Variants in SUPT3H observed in about 807,000 individuals in gnomAD.
The protein encoded by SUPT3H is transcription initiation protein SPT3 homolog.
In SUPT3H, 44 loss-of-function variants were observed where a neutral mutation model predicts 44.3. The observed-to-expected ratio is 0.99, with a 90% confidence interval of 0.78 to 1.28. The LOEUF (loss-of-function observed/expected upper bound fraction) is 1.28. Ranked by LOEUF, SUPT3H falls within the 50% of genes most tolerant of loss-of-function variation. The pLI is 0.00. For missense variants in SUPT3H, 380 were observed against 387.1 expected, an observed-to-expected ratio of 0.98 and a Z score of 0.15; for synonymous variants, 124 against 125.6, an observed-to-expected ratio of 0.99 and a Z score of 0.09.
At chr6:44,992,927 G>A (rs1483136687) in intron 6 of SUPT3H, among the ~76,000 whole-genome samples, 1 of 152,116 alleles carries the variant, frequency 6.6e-6, no homozygotes, top group Non-Finnish European at 1.5e-5. Flanking sequence ...ATTTTGGGAG[G>A]CTAAGATGGG....
chr6:45,279,398 T>C (rs1777561392), intron 2 of SUPT3H, among the ~76,000 whole-genome samples: 1 of 152,222 alleles, frequency 6.6e-6, no homozygotes, highest in Non-Finnish European at 1.5e-5. Flanking sequence ...GTTGATATGC[T>C]ATCCCTAATG....
chr6:45,251,395 GCACACACACACACACACACA>G, intron 2 of SUPT3H, among the ~76,000 whole-genome samples: 2 of 144,970 alleles, frequency 1.4e-5, no homozygotes, highest in South Asian at 4.5e-4. Flanking sequence ...AAGAGAAGCT[GCACACACACACACACACACA>G]CACACACACA....
At chr6:45,188,030 A>AC (rs1814533974) in intron 2 of SUPT3H, among the ~76,000 whole-genome samples, 1 of 152,190 alleles carries the variant, frequency 6.6e-6, no homozygotes, top group Admixed American at 6.5e-5. Flanking sequence ...GACATGAATC[A>AC]CCCCTTTGTT....
At chr6:45,286,183 T>C (rs1352096364) in intron 2 of SUPT3H, among the ~76,000 whole-genome samples, 1 of 150,974 alleles carries the variant, frequency 6.6e-6, no homozygotes, top group Non-Finnish European at 1.5e-5. Flanking sequence ...GACATAGGCA[T>C]GGGCCAGGAC....
At chr6:45,164,782 T>C (rs1336072056) in intron 2 of SUPT3H, among the ~76,000 whole-genome samples, 1 of 152,164 alleles carries the variant, frequency 6.6e-6, no homozygotes, top group African/African-American at 2.4e-5. Context: ...TTTTTTCATA[T>C]TTTAAAAAGT....
intron 3 of SUPT3H, among the ~76,000 whole-genome samples, chr6:45,065,007 A>AT (rs1226076449): frequency 1.3e-4 from 20 of 150,970 alleles, no homozygotes; most frequent in Non-Finnish European, 2.8e-4. Flanking sequence ...CAGAATATAC[A>AT]TTTTTTTCAG....
chr6:45,021,551 AC>A (rs1785139423), intron 3 of SUPT3H, among the ~76,000 whole-genome samples: 1 of 151,998 alleles, frequency 6.6e-6, no homozygotes, highest in Non-Finnish European at 1.5e-5. Flanking sequence ...TACGGATTGC[AC>A]CAAACCAAGT....
At chr6:44,894,458 AGC>A (rs772753232) in intron 10 of SUPT3H, among the ~76,000 whole-genome samples, 3,092 of 152,300 alleles carry the variant, frequency 0.02, 41 homozygotes, top group Non-Finnish European at 0.032. Flanking sequence ...CAGTTTTCCC[AGC>A]ACCATTTATA....
At chr6:45,328,885 A>G in intron 2 of SUPT3H, 3 of 1,192,312 alleles carry the variant, frequency 2.5e-6, no homozygotes, top group Non-Finnish European at 3.7e-6. Flanking sequence ...AGCATATTAA[A>G]GATCCTAATT....
At chr6:45,110,547 GCTTT>G (rs1799898923) in intron 2 of SUPT3H, among the ~76,000 whole-genome samples, 1 of 146,414 alleles carries the variant, frequency 6.8e-6, no homozygotes, top group South Asian at 2.2e-4. Flanking sequence ...CCTTTTCAGT[GCTTT>G]CTAACATCAG....
intron 1 of SUPT3H, among the ~76,000 whole-genome samples, chr6:45,368,089 TAC>T (rs79523305): frequency 0.13 from 20,116 of 152,102 alleles, 1,531 homozygotes; most frequent in East Asian, 0.26. Context: ...CACTAATAAA[TAC>T]AGTTACTGTG....
Position 45,014,861 on chromosome 6 carries a change from A to T in SUPT3H, c.304T>A (p.Phe102Ile). ...ATCTTTGATTTGTAGTCTCGGATAA[A>T]CATGTATTTTAGCAGTCTTCTAAGT... ...KKLRRLLKYM[F>I]IRDYKSKIVK... Residue 102 changes from phenylalanine (F) to isoleucine (I), a missense_variant, in exon 5 of 11, where the codon TTT (phenylalanine) becomes ATT (isoleucine). Physicochemically the swap from Phe to Ile is conservative, Grantham distance 21. Transcript: ENST00000371459. The T allele has an allele frequency of 6.3e-7, 1 of 1,590,094 alleles. No individual in the cohort carries two copies. The highest frequency in any genetic ancestry group is 8.5e-7 in the Non-Finnish European group (1 of 1,169,990).
chr6:45,261,512 C>T (rs1193180305), intron 2 of SUPT3H, among the ~76,000 whole-genome samples: 1 of 151,888 alleles, frequency 6.6e-6, no homozygotes, highest in Non-Finnish European at 1.5e-5. Context: ...GTAGAAAAGG[C>T]TGTCAATAAA....
At chr6:44,870,188 A>G (rs1776140354) in intron 10 of SUPT3H, among the ~76,000 whole-genome samples, 1 of 152,232 alleles carries the variant, frequency 6.6e-6, no homozygotes, top group African/African-American at 2.4e-5. Context: ...GCTTCTACCA[A>G]TGGAACAGTG....
rs1469993590 is a variant in SUPT3H at position 44,931,286 on chromosome 6, TTTC to T, written c.912+1364_912+1366del. ...GATTATTATCAAACACTGCCTCTTT[TTTC>T]TTCTTTTTCCCTTCCACTGTCTCAA... is the stretch of plus-strand genomic sequence containing the variant. On this transcript the variant is annotated intron_variant, in intron 10 of 10. Coordinates refer to ENST00000371459, the MANE Select transcript of SUPT3H (RefSeq NM_003599.4). 2.0e-5 allele frequency among the ~76,000 whole-genome samples: 3 copies of T among 152,342 alleles called. No homozygotes were observed. The East Asian group carries it at 5.8e-4, about 29-fold the overall frequency.
At chr6:45,197,280 A>AT (rs1239266480) in intron 2 of SUPT3H, among the ~76,000 whole-genome samples, 1 of 151,614 alleles carries the variant, frequency 6.6e-6, no homozygotes, top group Non-Finnish European at 1.5e-5. Flanking sequence ...ATCATTTCAG[A>AT]TTTTTTCATG....
At chr6:45,065,082 T>C (rs953730454) in intron 3 of SUPT3H, among the ~76,000 whole-genome samples, 2 of 150,536 alleles carry the variant, frequency 1.3e-5, no homozygotes, top group East Asian at 3.9e-4. Context: ...TCAGCAAATG[T>C]AAAAGAACAG....
chr6:44,884,687 T>G (rs970087041), intron 10 of SUPT3H, among the ~76,000 whole-genome samples: 1 of 152,068 alleles, frequency 6.6e-6, no homozygotes, highest in Admixed American at 6.6e-5. Flanking sequence ...GCATGAGCAA[T>G]GCAGAAGACG....
At chr6:45,337,872 A>G (rs538848532) in intron 2 of SUPT3H, among the ~76,000 whole-genome samples, 1 of 152,078 alleles carries the variant, frequency 6.6e-6, no homozygotes, top group Admixed American at 6.6e-5. Context: ...ATAAGATTTT[A>G]TTTTTTTAGA....
Sources: allele counts gnomAD v4.1 joint callset (sites outside exome capture counted in the v4.1 genomes callset), GRCh38; gene constraint gnomAD v4.1.1; transcripts MANE v1.5; gene names NCBI Gene and HGNC (gene_info 2026-07-23, HGNC 2026-07-21).